The following DPY19L2 variants were observed in gnomAD, a reference collection of about 807,000 sequenced individuals.
DPY19L2 encodes the protein dpy-19 like 2.
DPY19L2 carries 34 observed loss-of-function variants against 97.9 expected under a neutral mutation model. The ratio of observed to expected loss-of-function variants is 0.35; its 90% CI spans 0.26 to 0.46. The LOEUF is 0.46. Ranked by LOEUF, DPY19L2 falls within the 20% of genes least tolerant of loss-of-function variation. The pLI, the probability that DPY19L2 is intolerant of heterozygous loss-of-function variation, is 1.00. For synonymous variants in DPY19L2, 230 were observed against 307.9 expected, an observed-to-expected ratio of 0.75 and a Z score of 2.65; for missense variants, 623 against 911.4, an observed-to-expected ratio of 0.68 and a Z score of 4.07.
At chr12:63,598,067 C>T (rs886521765) in intron 13 of DPY19L2, among the ~76,000 whole-genome samples, 157 bp from the exon 14 acceptor site, 15 of 151,528 alleles carry the variant, frequency 9.9e-5, no homozygotes, top group African/African-American at 3.6e-4. Context: ...TACAGTGAAC[C>T]AAATATACCA....
At chr12:63,586,324 G>T (rs1031770528) in intron 16 of DPY19L2, among the ~76,000 whole-genome samples, 1 of 152,174 alleles carries the variant, frequency 6.6e-6, no homozygotes, top group Non-Finnish European at 1.5e-5. Flanking sequence ...AATTCTACAT[G>T]TCAAGGAAAA....
chr12:63,636,170 C>A (rs1440519185), intron 6 of DPY19L2, among the ~76,000 whole-genome samples: 1 of 152,040 alleles, frequency 6.6e-6, no homozygotes, highest in East Asian at 1.9e-4. Context: ...TCATATCCAG[C>A]CAAACTAAGC....
chr12:63,600,199 A>G, intron 13 of DPY19L2, 107 bp downstream of exon 13: 1 of 861,328 alleles, frequency 1.2e-6, no homozygotes, highest in Non-Finnish European at 1.9e-6. Flanking sequence ...ACCTTAGAGA[A>G]GGCACTTAAC....
At chr12:63,613,694 A>C (rs1408427827) in intron 11 of DPY19L2, among the ~76,000 whole-genome samples, 2 of 151,950 alleles carry the variant, frequency 1.3e-5, no homozygotes, top group South Asian at 2.1e-4. Context: ...GACATAAAAA[A>C]CTAGAAGGAA....
At chr12:63,619,705 A>G (rs1279677168) in intron 9 of DPY19L2, among the ~76,000 whole-genome samples, 1 of 151,986 alleles carries the variant, frequency 6.6e-6, no homozygotes, top group South Asian at 2.1e-4. Flanking sequence ...GGGTTTCACC[A>G]TCTTGGCCAG....
At chr12:63,624,452 G>GTATGATCCTGGCA (rs952392908) in intron 7 of DPY19L2, among the ~76,000 whole-genome samples, 1 of 152,036 alleles carries the variant, frequency 6.6e-6, no homozygotes, top group African/African-American at 2.4e-5. Flanking sequence ...CAGCCCTGCA[G>GTATGATCCTGGCA]TATGATCCTG....
chr12:63,613,667 A>C (rs559473480), intron 11 of DPY19L2, among the ~76,000 whole-genome samples: 5 of 152,100 alleles, frequency 3.3e-5, no homozygotes. Context: ...ATTTGAAATA[A>C]AACAAAAATA....
At chr12:63,567,782 A>G (rs1426923118) in intron 21 of DPY19L2, among the ~76,000 whole-genome samples, 1 of 152,120 alleles carries the variant, frequency 6.6e-6, no homozygotes, top group Non-Finnish European at 1.5e-5. Context: ...GTTTCATTAA[A>G]TAGAGAATTG....
At position 63,610,875 on chromosome 12, in the gene DPY19L2, AC is replaced by A. The variant is rs1555195807; in HGVS notation, c.1219-2201del. On this transcript the variant is annotated intron_variant, in intron 11 of 21. Transcript: ENST00000324472. ...AAAAAAAAAAAAAAAAAAAAAAAAA[AC>A]CACACACACACACAAATATTTCTTT... Among the ~76,000 whole-genome samples, 75 of 103,456 alleles carry A rather than the reference AC, an allele frequency of 7.2e-4. 1 individual carries two copies. Among genetic ancestry groups the A allele is most frequent in the East Asian group, 1.3e-3 (3 of 2,254 alleles). The allele number at this position is 103,456 out of a possible 152,430, so 67.9% of individuals were successfully genotyped here. A position where few individuals can be genotyped will look rare whatever the true frequency, so the allele number is the denominator to read the frequency against.
intron 4 of DPY19L2, among the ~76,000 whole-genome samples, chr12:63,651,268 G>T (rs1177491280): frequency 1.7e-4 from 26 of 152,204 alleles, no homozygotes. Flanking sequence ...ATGAATTAAA[G>T]ACTGAAACGT....
intron 11 of DPY19L2, among the ~76,000 whole-genome samples, chr12:63,615,751 C>T (rs1887718593): frequency 6.6e-6 from 1 of 152,054 alleles, no homozygotes. Context: ...CGTTTTAGGG[C>T]AGTACAAGGG....
chr12:63,601,437 C>A (rs1469489196), intron 12 of DPY19L2, among the ~76,000 whole-genome samples: 1 of 152,116 alleles, frequency 6.6e-6, no homozygotes, highest in Non-Finnish European at 1.5e-5. Context: ...AAATTCAAAT[C>A]TCTGCATATA....
intron 11 of DPY19L2, among the ~76,000 whole-genome samples, chr12:63,612,649 G>C (rs1425097967): frequency 7.0e-6 from 1 of 142,878 alleles, no homozygotes; most frequent in Non-Finnish European, 1.5e-5. Flanking sequence ...AAAACCCAAA[G>C]TAAGCAAAAG....
At chr12:63,628,522 G>A (rs925210884) in intron 6 of DPY19L2, among the ~76,000 whole-genome samples, 1 of 152,078 alleles carries the variant, frequency 6.6e-6, no homozygotes, top group African/African-American at 2.4e-5. Flanking sequence ...ATGGGGGAGG[G>A]GCACCCACCA....
intron 7 of DPY19L2, 61 bp downstream of exon 7, chr12:63,626,408 T>G: frequency 6.8e-7 from 1 of 1,476,844 alleles, no homozygotes; most frequent in Non-Finnish European, 9.1e-7. Context: ...TTGATGAGTA[T>G]ATTTCCTTGT....
At chr12:63,591,567 T>A (rs550379530) in intron 16 of DPY19L2, among the ~76,000 whole-genome samples, 1 of 152,164 alleles carries the variant, frequency 6.6e-6, no homozygotes, top group South Asian at 2.1e-4. Context: ...AATTTACTTA[T>A]GTGTGACTGA....
chr12:63,626,108 A>C (rs534255724), intron 7 of DPY19L2, among the ~76,000 whole-genome samples: 1 of 151,484 alleles, frequency 6.6e-6, no homozygotes, highest in East Asian at 1.9e-4. Context: ...CTTTCTCTAA[A>C]TTTAAATTTC....
In DPY19L2 at chr12:63,665,942, T is replaced by A. The variant is rs1002415149; in HGVS notation, c.338-83A>T. The stretch of plus-strand genomic sequence containing the variant: ...AAAACAAGTATTTCAAATGTATTAT[T>A]TTACATGTCTAGAAAGATAGCACAC... On this transcript the variant is annotated intron_variant, in intron 1 of 21. Coordinates refer to ENST00000324472, the MANE Select transcript of DPY19L2 (RefSeq NM_173812.5). 277 of 1,181,430 alleles carry A rather than the reference T, an allele frequency of 2.3e-4. 1 individual carries two copies. Among genetic ancestry groups the A allele is most frequent in the Middle Eastern group, 2.8e-4 (1 of 3,610 alleles). 73.2% of individuals were successfully genotyped at this position (1,181,430 alleles called of 1,614,324 possible). A position where few individuals can be genotyped will look rare whatever the true frequency, so the allele number is the denominator to read the frequency against.
intron 21 of DPY19L2, among the ~76,000 whole-genome samples, chr12:63,568,709 G>A (rs1446949502): frequency 6.6e-6 from 1 of 151,762 alleles, no homozygotes; most frequent in Non-Finnish European, 1.5e-5. Context: ...TCTGTGCTTA[G>A]GAGCCTAAAC....
Sources: gnomAD v4.1 joint callset for allele counts (sites outside exome capture counted in the v4.1 genomes callset) on GRCh38, gnomAD v4.1.1 for gene constraint, MANE v1.5 for transcripts, NCBI Gene and HGNC (gene_info 2026-07-23, HGNC 2026-07-21) for gene names.